The following C20orf203 variants were observed in gnomAD, a reference collection of about 807,000 sequenced individuals.
C20orf203 encodes uncharacterized protein C20orf203.
A neutral mutation model predicts 15.9 loss-of-function variants in C20orf203; 16 were observed. The ratio of observed to expected loss-of-function variants is 1.01; its 90% CI spans 0.68 to 1.53. The LOEUF is 1.53. Among genes scored for constraint, C20orf203 ranks in the 40% most tolerant of loss-of-function variants. The pLI is 0.00. For missense variants in C20orf203, 263 were observed against 247.5 expected (o/e 1.06, Z -0.42); for synonymous variants, 98 against 97.2 (o/e 1.01, Z -0.05).
At chr20:32,656,532 T>C (rs1982757551) in intron 1 of C20orf203, 1 of 152,188 alleles carries the variant, frequency 6.6e-6, no homozygotes, top group Non-Finnish European at 1.5e-5. Context: ...CTAAAAGGTA[T>C]ATACCCAAGA....
intron 1 of C20orf203, among the ~76,000 whole-genome samples, chr20:32,654,306 T>C (rs1386121142): frequency 6.6e-6 from 1 of 152,110 alleles, no homozygotes; most frequent in East Asian, 1.9e-4. Context: ...AAACTTATAA[T>C]CTGAAAACTA....
intron 4 of C20orf203, among the ~76,000 whole-genome samples, chr20:32,643,462 T>C (rs554018962): frequency 6.6e-6 from 1 of 152,308 alleles, no homozygotes; most frequent in East Asian, 1.9e-4. Context: ...CCCGGATTCA[T>C]CCAGCTGGGC....
At chr20:32,638,255 G>C (rs2145660900) in intron 5 of C20orf203, among the ~76,000 whole-genome samples, 1 of 152,304 alleles carries the variant, frequency 6.6e-6, no homozygotes, top group African/African-American at 2.4e-5. Flanking sequence ...CCCAAGCACT[G>C]TTCTGTGTGC....
chr20:32,668,108 C>T (rs959901313), intron 1 of C20orf203, among the ~76,000 whole-genome samples: 19 of 152,194 alleles, frequency 1.2e-4, no homozygotes, highest in African/African-American at 4.3e-4. Context: ...ACTTCCATGT[C>T]TTCATCCGGA....
chr20:32,664,642 G>A (rs1982975814), intron 1 of C20orf203, among the ~76,000 whole-genome samples: 1 of 152,250 alleles, frequency 6.6e-6, no homozygotes. Flanking sequence ...AGCGTGAGAA[G>A]AGAGGACCAG....
intron 1 of C20orf203, among the ~76,000 whole-genome samples, chr20:32,668,828 A>T (rs1983096558): frequency 6.6e-6 from 1 of 152,126 alleles, no homozygotes; most frequent in South Asian, 2.1e-4. Flanking sequence ...AAATAAATAA[A>T]TAAATGAATA....
At chr20:32,661,120 G>A (rs1291273966) in intron 1 of C20orf203, among the ~76,000 whole-genome samples, 2 of 152,158 alleles carry the variant, frequency 1.3e-5, no homozygotes, top group African/African-American at 4.8e-5. Flanking sequence ...CCACTGTGCG[G>A]GAGGCGGCAA....
intron 4 of C20orf203, among the ~76,000 whole-genome samples, chr20:32,641,090 G>A (rs1361745552): frequency 1.3e-5 from 2 of 152,068 alleles, no homozygotes; most frequent in Non-Finnish European, 2.9e-5. Flanking sequence ...AGGCCGAGGT[G>A]GTCGGATTGC....
At position 32,666,797 on chromosome 20, in the gene C20orf203, T is replaced by TTATATATATATATA. The variant is rs34933326; in HGVS notation, c.-264+6821_-264+6834dup. 8.6e-3 allele frequency among the ~76,000 whole-genome samples: 561 copies of TTATATATATATATA among 65,520 alleles called. 14 individuals are homozygous for TTATATATATATATA. Among genetic ancestry groups the TTATATATATATATA allele is most frequent in the Middle Eastern group, 0.018 (1 of 56 alleles). The allele number at this position is 65,520 out of a possible 152,430, so 43.0% of individuals were successfully genotyped here. A position where few individuals can be genotyped will look rare whatever the true frequency, so the allele number is the denominator to read the frequency against. On this transcript the variant is annotated intron_variant, in intron 1 of 5. Coordinates refer to ENST00000608990, the MANE Select transcript of C20orf203 (RefSeq NM_182584.4). Reference sequence around the variant, plus strand: ...AAAAAAAGATGAAATTAATTTTAATTTATATATATATATATATATATATAT... The same window carrying TTATATATATATATA: ...AAAAAAAGATGAAATTAATTTTAATTTATATATATATATATATATATATATATATATATATATAT...
chr20:32,665,475 C>G (rs6058794), intron 1 of C20orf203, among the ~76,000 whole-genome samples: 57,018 of 151,958 alleles, frequency 0.38, 11,686 homozygotes, highest in African/African-American at 0.52. Flanking sequence ...TGCTGGGGAG[C>G]CCCAGTGACC....
intron 5 of C20orf203, among the ~76,000 whole-genome samples, chr20:32,638,238 G>A (rs774887478): frequency 6.6e-6 from 1 of 152,194 alleles, no homozygotes; most frequent in Non-Finnish European, 1.5e-5. Flanking sequence ...TTGAACACTT[G>A]CTATGTCCCA....
Position 32,632,994 on chromosome 20 carries a change from A to C in C20orf203, c.*2576T>G, listed in dbSNP as rs979683650. The C allele has an allele frequency of 6.6e-6, 1 of 152,248 alleles. No homozygotes were observed. The highest frequency in any genetic ancestry group is 2.4e-5 in the African/African-American group (1 of 41,452). The allele number at this position is 152,248 out of a possible 1,614,324, so 9.4% of individuals were successfully genotyped here. A position where few individuals can be genotyped will look rare whatever the true frequency, so the allele number is the denominator to read the frequency against. ...GAGAGTGATACTGAGCAAAGGGGGA[A>C]GCTGCTTATAAAACCATCAGATCTC... On this transcript the variant is annotated 3_prime_UTR_variant, in exon 6 of 6. Transcript: ENST00000608990.
intron 4 of C20orf203, among the ~76,000 whole-genome samples, chr20:32,641,790 G>A (rs952552116): frequency 1.1e-4 from 17 of 152,100 alleles, no homozygotes; most frequent in Non-Finnish European, 1.5e-4. Context: ...TGTTTAGATC[G>A]TATCGCCATT....
intron 4 of C20orf203, among the ~76,000 whole-genome samples, chr20:32,646,156 A>G (rs8122731): frequency 0.026 from 3,821 of 147,498 alleles, 165 homozygotes; most frequent in African/African-American, 0.091. Flanking sequence ...TTTTTGAGAC[A>G]GAGTCTTGCT....
chr20:32,673,301 C>T (rs902380477), intron 1 of C20orf203, among the ~76,000 whole-genome samples: 2 of 152,166 alleles, frequency 1.3e-5, no homozygotes, highest in Admixed American at 6.5e-5. Context: ...GCAGCCTCCT[C>T]CTGCTCCCCT....
At position 32,640,651 on chromosome 20, in the gene C20orf203, A is replaced by C. The variant is rs1017950194; in HGVS notation, c.*1214T>G. Reference sequence around the variant, plus strand: ...GGTTGCAGCGAGCTGAGATCACGCCACTGCACTCCATCCAGCCTGGGCAAA... The same window carrying C: ...GGTTGCAGCGAGCTGAGATCACGCCCCTGCACTCCATCCAGCCTGGGCAAA... On this transcript the variant is annotated 3_prime_UTR_variant, in exon 5 of 6. Coordinates refer to ENST00000608990, the MANE Select transcript of C20orf203 (RefSeq NM_182584.4). 10 of 152,204 alleles carry C rather than the reference A, an allele frequency of 6.6e-5. No homozygotes were observed. Among genetic ancestry groups the C allele is most frequent in the African/African-American group, 2.4e-4 (10 of 41,438 alleles). The allele number at this position is 152,204 out of a possible 1,614,324, so 9.4% of individuals were successfully genotyped here.
At chr20:32,667,142 T>C (rs1802750317) in intron 1 of C20orf203, among the ~76,000 whole-genome samples, 1 of 152,038 alleles carries the variant, frequency 6.6e-6, no homozygotes, top group African/African-American at 2.4e-5. Context: ...GGGGCTGCAC[T>C]GGGGCAGAGC....
At chr20:32,651,536 A>C (rs1350706691) in intron 2 of C20orf203, among the ~76,000 whole-genome samples, 197 bp downstream of exon 2, 3 of 152,194 alleles carry the variant, frequency 2.0e-5, no homozygotes, top group Admixed American at 2.0e-4. Flanking sequence ...TCATTGTCAC[A>C]TGCCTGGGTT....
rs1026079210 is a variant in C20orf203, at chr20:32,650,444, C to T, written c.573G>A (p.Ser191=). Residue 191 remains serine (S), a synonymous_variant, in exon 4 of 6, where the codon TCG becomes TCA. Coordinates refer to ENST00000608990, the MANE Select transcript of C20orf203 (RefSeq NM_182584.4). ...KQQFLSNSSR[S]LFN is the part of the protein sequence containing the mutation. The stretch of plus-strand genomic sequence containing the variant: ...GCCCTGGGCTCGGCTAATTAAACAG[C>T]GACCGTGATGAATTGGAGAGAAACT... 1.9e-5 allele frequency: 29 copies of T among 1,549,526 alleles called. No homozygotes were observed. In the East Asian group the frequency reaches 2.9e-4, roughly 16 times the overall value.
Sources: gnomAD v4.1 joint callset for allele counts (sites outside exome capture counted in the v4.1 genomes callset) on GRCh38, gnomAD v4.1.1 for gene constraint, MANE v1.5 for transcripts, NCBI Gene and HGNC (gene_info 2026-07-23, HGNC 2026-07-21) for gene names.